Variants in RIMS1 observed in about 807,000 individuals in gnomAD.
The protein encoded by RIMS1 is regulating synaptic membrane exocytosis 1, also known as regulating synaptic membrane exocytosis protein 1.
A neutral mutation model predicts 214.1 loss-of-function variants in RIMS1; 83 were observed. The observed-to-expected ratio is 0.39, with a 90% CI of 0.32 to 0.47. The LOEUF is 0.47. RIMS1 is among the 20% of genes least tolerant of loss of function. The pLI, the probability that RIMS1 is intolerant of heterozygous loss-of-function variation, is 0.99. For missense variants in RIMS1, 2,050 were observed against 2,161.8 expected (o/e 0.95, Z 1.03); for synonymous variants, 793 against 786.8 (o/e 1.01, Z -0.13).
chr6:72,099,540 A>C (rs1318407107), intron 3 of RIMS1, among the ~76,000 whole-genome samples: 1 of 152,162 alleles, frequency 6.6e-6, no homozygotes, highest in Non-Finnish European at 1.5e-5. Context: ...CTCATTCTTT[A>C]CATTTTCCCA....
chr6:72,294,966 G>A (rs1338465410), intron 26 of RIMS1, among the ~76,000 whole-genome samples: 1 of 151,594 alleles, frequency 6.6e-6, no homozygotes, highest in Non-Finnish European at 1.5e-5. Flanking sequence ...AAATTTTTCT[G>A]GTTATATTTC....
At chr6:71,979,588 A>T (rs1312203988) in intron 2 of RIMS1, among the ~76,000 whole-genome samples, 5 of 152,096 alleles carry the variant, frequency 3.3e-5, no homozygotes, top group Admixed American at 2.0e-4. Context: ...ATTTACCATG[A>T]TCTTACAGTG....
chr6:72,304,114 A>G (rs905437369), intron 26 of RIMS1, among the ~76,000 whole-genome samples: 3 of 151,692 alleles, frequency 2.0e-5, no homozygotes, highest in Non-Finnish European at 3.0e-5. Flanking sequence ...TTTAAAAATA[A>G]AAACCACAGG....
At chr6:71,971,488 T>C (rs1026070874) in intron 2 of RIMS1, among the ~76,000 whole-genome samples, 14 of 152,304 alleles carry the variant, frequency 9.2e-5, no homozygotes, top group Middle Eastern at 3.4e-3. Context: ...ACCATATTAA[T>C]GGCTTGGGTG....
At chr6:72,252,879 TG>T (rs776876218) in intron 16 of RIMS1, 47 bp downstream of exon 16, 2 of 1,425,290 alleles carry the variant, frequency 1.4e-6, no homozygotes, top group South Asian at 2.5e-5. Context: ...CTGCTTTGCT[TG>T]TTTTCTCTGT....
intron 28 of RIMS1, among the ~76,000 whole-genome samples, chr6:72,329,285 A>G (rs942889818): frequency 1.3e-5 from 2 of 151,830 alleles, no homozygotes; most frequent in African/African-American, 2.4e-5. Flanking sequence ...ACTAATCACC[A>G]GAAAAATAGC....
intron 2 of RIMS1, among the ~76,000 whole-genome samples, chr6:72,019,127 T>A (rs1007653308): frequency 6.6e-6 from 1 of 152,192 alleles, no homozygotes; most frequent in African/African-American, 2.4e-5. Context: ...TTATGTGGTA[T>A]TACTTCATAT....
chr6:72,052,374 G>GA (rs1824947714), intron 2 of RIMS1, among the ~76,000 whole-genome samples: 1 of 152,202 alleles, frequency 6.6e-6, no homozygotes, highest in Non-Finnish European at 1.5e-5. Context: ...GATGTAGAAG[G>GA]AACAGAGTAA....
At chr6:71,962,258 T>C (rs1019549475) in intron 1 of RIMS1, among the ~76,000 whole-genome samples, 1 of 152,200 alleles carries the variant, frequency 6.6e-6, no homozygotes, top group African/African-American at 2.4e-5. Flanking sequence ...TATTAATCTT[T>C]GTAGTGAATC....
chr6:72,010,359 C>A (rs564750739), intron 2 of RIMS1, among the ~76,000 whole-genome samples: 1 of 152,184 alleles, frequency 6.6e-6, no homozygotes, highest in South Asian at 2.1e-4. Flanking sequence ...TATGACAAAC[C>A]CACAGCCAAT....
intron 4 of RIMS1, among the ~76,000 whole-genome samples, chr6:72,150,838 G>A (rs1286535838): frequency 6.6e-6 from 1 of 152,112 alleles, no homozygotes; most frequent in East Asian, 1.9e-4. Context: ...GCTCTAAGGT[G>A]AAGGGCCACA....
intron 5 of RIMS1, 91 bp downstream of exon 5, chr6:72,180,006 A>G (rs930080114): frequency 2.2e-6 from 2 of 895,948 alleles, no homozygotes; most frequent in African/African-American, 1.7e-5. Context: ...TACGAGGAAT[A>G]TGTGGAAGTA....
intron 1 of RIMS1, among the ~76,000 whole-genome samples, chr6:71,903,917 C>G (rs1247090503): frequency 6.6e-6 from 1 of 152,152 alleles, no homozygotes; most frequent in Non-Finnish European, 1.5e-5. Context: ...TGTATATATG[C>G]ATGTACATAT....
intron 2 of RIMS1, among the ~76,000 whole-genome samples, chr6:71,985,154 C>T (rs1562030610): frequency 6.6e-6 from 1 of 152,134 alleles, no homozygotes; most frequent in Non-Finnish European, 1.5e-5. Context: ...GAGGCCATGG[C>T]AAGAGAATTG....
At chr6:72,343,407 G>C (rs1241071886) in intron 29 of RIMS1, among the ~76,000 whole-genome samples, 1 of 148,500 alleles carries the variant, frequency 6.7e-6, no homozygotes, top group African/African-American at 2.5e-5. Context: ...TTGAAGCTCT[G>C]CTCTTTCATT....
At chr6:72,229,814 A>C (rs2061400033) in intron 6 of RIMS1, among the ~76,000 whole-genome samples, 1 of 151,822 alleles carries the variant, frequency 6.6e-6, no homozygotes, top group South Asian at 2.1e-4. Flanking sequence ...TAAAATATTA[A>C]AATGTTTATA....
At chr6:72,320,711 T>C (rs866419335) in intron 28 of RIMS1, among the ~76,000 whole-genome samples, 8 of 152,018 alleles carry the variant, frequency 5.3e-5, no homozygotes, top group Non-Finnish European at 7.4e-5. Context: ...ACTTGGTATA[T>C]GAGATAAATA....
intron 1 of RIMS1, among the ~76,000 whole-genome samples, chr6:71,958,989 A>G (rs1311745637): frequency 6.6e-6 from 1 of 152,174 alleles, no homozygotes; most frequent in Non-Finnish European, 1.5e-5. Context: ...AAGCAATCAT[A>G]TTCCAGTATT....
intron 1 of RIMS1, among the ~76,000 whole-genome samples, chr6:71,889,753 G>T (rs750005376): frequency 6.6e-6 from 1 of 152,174 alleles, no homozygotes; most frequent in South Asian, 2.1e-4. Context: ...GTCATAGATG[G>T]TGGCCTTTTT....
Sources: allele counts gnomAD v4.1 joint callset (sites outside exome capture counted in the v4.1 genomes callset), GRCh38; gene constraint gnomAD v4.1.1; transcripts MANE v1.5; gene names NCBI Gene and HGNC (gene_info 2026-07-23, HGNC 2026-07-21).